USP38: variants seen among roughly 807,000 people sequenced by gnomAD.
The protein encoded by USP38 is ubiquitin carboxyl-terminal hydrolase 38.
In USP38, 49 loss-of-function variants were observed where a neutral mutation model predicts 94.3. That is an observed-to-expected ratio of 0.52 (90% CI 0.41 to 0.66). The LOEUF is 0.66. Ranked by LOEUF, USP38 falls within the 30% of genes least tolerant of loss-of-function variation. The pLI is 0.00. For synonymous variants in USP38, 468 were observed against 463.6 expected (o/e 1.01, Z -0.12); for missense variants, 1,128 against 1,229.4 (o/e 0.92, Z 1.23).
intron 5 of USP38, 124 bp from the exon 6 acceptor site, chr4:143,205,909 C>A: frequency 1.4e-6 from 1 of 695,322 alleles, no homozygotes; most frequent in Non-Finnish European, 2.1e-6. Flanking sequence ...TACTTCAAAA[C>A]TAAGTGGGGG....
chr4:143,210,616 G>A (rs1287465954), intron 7 of USP38, among the ~76,000 whole-genome samples: 1 of 151,106 alleles, frequency 6.6e-6, no homozygotes, highest in African/African-American at 2.4e-5. Context: ...TATGTTCAAA[G>A]AACTTTTAGT....
chr4:143,213,854 G>A lies in USP38; in HGVS notation c.1878G>A (p.Leu626=). Residue 626 remains leucine, a synonymous_variant, in exon 9 of 10, where the codon TTG becomes TTA. Transcript: ENST00000307017. ...LSLAFCPSSS[L]ENMSVQDPAS... ...TTGCCTTTTGTCCTTCCTCTTCTTT[G>A]GAAAACATGTCTGTCCAAGATCCAG... 1 of 1,613,794 alleles carries A rather than the reference G, an allele frequency of 6.2e-7. No individual in the cohort carries two copies. Among genetic ancestry groups the A allele is most frequent in the Non-Finnish European group, 8.5e-7 (1 of 1,179,822 alleles).
At chr4:143,210,586 C>CA (rs540768498) in intron 7 of USP38, among the ~76,000 whole-genome samples, 4,660 of 133,000 alleles carry the variant, frequency 0.035, 212 homozygotes, top group African/African-American at 0.12. Flanking sequence ...GCCCCTGTCT[C>CA]AAAAAAAAAA....
chr4:143,213,167 G>A (rs1248471303), intron 8 of USP38, among the ~76,000 whole-genome samples: 1 of 152,038 alleles, frequency 6.6e-6, no homozygotes, highest in East Asian at 1.9e-4. Flanking sequence ...CCCTGTCTTT[G>A]TTCTGCTCTG....
chr4:143,188,095 A>T, intron 2 of USP38, 134 bp downstream of exon 2: 1 of 1,096,946 alleles, frequency 9.1e-7, no homozygotes, highest in South Asian at 1.7e-5. Flanking sequence ...AGATTCTCCA[A>T]ATAGATTGGA....
In USP38 at chr4:143,214,477, G is replaced by C; in HGVS notation, c.2501G>C (p.Cys834Ser). The change falls in exon 9 of 10, where the codon TGC becomes TCC. Residue 834 changes from cysteine (C) to serine (S), a missense_variant. Cys to Ser is a moderately radical substitution (Grantham distance 112). Transcript: ENST00000307017. ...LKPSGTDEAS[C>S]TKLVPYLLSS... ...CCTTCAGGGACTGATGAAGCTTCCTGCACAAAATTGGTGCCCTATCTATTA... is the reference window on the plus strand; with the variant it reads ...CCTTCAGGGACTGATGAAGCTTCCTCCACAAAATTGGTGCCCTATCTATTA... 6.2e-7 allele frequency: 1 copy of C among 1,613,398 alleles called. No individual in the cohort carries two copies. Among genetic ancestry groups the C allele is most frequent in the South Asian group, 1.1e-5 (1 of 90,988 alleles).
intron 3 of USP38, among the ~76,000 whole-genome samples, chr4:143,196,163 TG>T (rs1016364739): frequency 6.6e-6 from 1 of 152,008 alleles, no homozygotes; most frequent in African/African-American, 2.4e-5. Flanking sequence ...AAAATTAGGT[TG>T]GCATAATGGT....
At chr4:143,186,643 C>G (rs1342441976) in intron 1 of USP38, among the ~76,000 whole-genome samples, 2 of 151,774 alleles carry the variant, frequency 1.3e-5, no homozygotes, top group African/African-American at 4.8e-5. Context: ...CATTTTTTGT[C>G]TACAGTATCT....
intron 2 of USP38, among the ~76,000 whole-genome samples, chr4:143,189,522 G>GT (rs1731333107): frequency 6.6e-6 from 1 of 152,006 alleles, no homozygotes; most frequent in African/African-American, 2.4e-5. Flanking sequence ...TTCACTCTCT[G>GT]TAACACAAAC....
chr4:143,203,638 C>T, intron 5 of USP38, 72 bp downstream of exon 5: 1 of 1,456,922 alleles, frequency 6.9e-7, no homozygotes, highest in Non-Finnish European at 9.3e-7. Flanking sequence ...TTATAACCAG[C>T]TACTCAATTT....
chr4:143,211,814 T>TC (rs1732032240), intron 7 of USP38, among the ~76,000 whole-genome samples: 1 of 152,208 alleles, frequency 6.6e-6, no homozygotes, highest in Non-Finnish European at 1.5e-5. Flanking sequence ...GTACTCACAA[T>TC]CTGCACATAT....
rs2149615246 is a variant in USP38, at chr4:143,220,989, T to G, written c.*533T>G. The G allele has an allele frequency of 6.6e-6, 1 of 152,594 alleles. No individual in the cohort carries two copies. Among genetic ancestry groups the G allele is most frequent in the East Asian group, 1.9e-4 (1 of 5,184 alleles). The allele number at this position is 152,594 out of a possible 1,614,324, so 9.5% of individuals were successfully genotyped here. ...AGATATAGTACTTTTCAGTTTTTGT[T>G]TAGTGTCTTCAGCATCACTGTGTCT... On this transcript the variant is annotated 3_prime_UTR_variant, in exon 10 of 10. Coordinates refer to ENST00000307017, the MANE Select transcript of USP38 (RefSeq NM_032557.6).
chr4:143,187,930 A>G lies in USP38; in HGVS notation c.787A>G (p.Lys263Glu). 1.2e-6 allele frequency: 2 copies of G among 1,613,722 alleles called. No individual in the cohort carries two copies. Among genetic ancestry groups the G allele is most frequent in the Non-Finnish European group, 1.7e-6 (2 of 1,179,752 alleles). ...GAGCCTTACTACGGATCCAAATGTA[A>G]AAGATGCAAGTATGACCCAAGCCCT... ...IRSLTTDPNV[K>E]DASMTQALCR... is the part of the protein sequence containing the mutation. The change falls in exon 2 of 10, where the codon AAA becomes GAA. Residue 263 changes from lysine (K) to glutamate (E), a missense_variant. By Grantham distance (56) the Lys-to-Glu change is moderately conservative (BLOSUM62 1). Coordinates refer to ENST00000307017, the MANE Select transcript of USP38 (RefSeq NM_032557.6).
At chr4:143,217,772 G>C (rs1252935378) in intron 9 of USP38, among the ~76,000 whole-genome samples, 1 of 152,120 alleles carries the variant, frequency 6.6e-6, no homozygotes, top group African/African-American at 2.4e-5. Flanking sequence ...CCGTGGTTTT[G>C]AAAAACCCAG....
chr4:143,203,515 T>C lies in USP38; in HGVS notation c.1158T>C (p.Tyr386=), dbSNP rs1274363386. ...QLTELIHCMM[Y]HYSGFPDLYE... ...CAGAATTGATACACTGTATGATGTATCATTATTCTGGATTTCCAGATCTCT... is the reference window on the plus strand; with the variant it reads ...CAGAATTGATACACTGTATGATGTACCATTATTCTGGATTTCCAGATCTCT... The change falls in exon 5 of 10, where the codon TAT becomes TAC. Residue 386 remains tyrosine (Y), a synonymous_variant. Transcript: ENST00000307017. 1 of 1,613,144 alleles carries C rather than the reference T, an allele frequency of 6.2e-7. No individual in the cohort carries two copies. Among genetic ancestry groups the C allele is most frequent in the Admixed American group, 1.7e-5 (1 of 59,912 alleles).
intron 3 of USP38, among the ~76,000 whole-genome samples, chr4:143,197,057 A>G (rs897925083): frequency 7.2e-5 from 11 of 152,258 alleles, no homozygotes; most frequent in East Asian, 3.9e-4. Context: ...ACAAGGTCCT[A>G]TGTATTCTGG....
chr4:143,205,856 C>G (rs1450829764), intron 5 of USP38, among the ~76,000 whole-genome samples, 177 bp from the exon 6 acceptor site: 1 of 152,154 alleles, frequency 6.6e-6, no homozygotes, highest in Non-Finnish European at 1.5e-5. Flanking sequence ...TTTTGCCATA[C>G]AGTGAAATTT....
rs767883496 is a variant in USP38 at position 143,185,190 on chromosome 4, C to T, written c.-261C>T. The T allele has an allele frequency of 2.6e-6, 1 of 377,694 alleles. No individual in the cohort carries two copies. The highest frequency in any genetic ancestry group is 4.7e-6 in the Non-Finnish European group (1 of 210,772). 23.4% of individuals were successfully genotyped at this position (377,694 alleles called of 1,614,324 possible). On this transcript the variant is annotated 5_prime_UTR_variant, in exon 1 of 10. Transcript: ENST00000307017. ...GAGTGGGATCGAGGGCCCGGGGCGG[C>T]GGCGGAGTACGGGCCTCTGGCGCCT... is the stretch of plus-strand genomic sequence containing the variant.
chr4:143,219,664 T>G (rs964291323), intron 9 of USP38, among the ~76,000 whole-genome samples: 1 of 152,114 alleles, frequency 6.6e-6, no homozygotes, highest in African/African-American at 2.4e-5. Flanking sequence ...TGGGTCCCAG[T>G]TTTAGAATCC....
Sources: gnomAD v4.1 joint callset for allele counts (sites outside exome capture counted in the v4.1 genomes callset) on GRCh38, gnomAD v4.1.1 for gene constraint, MANE v1.5 for transcripts, NCBI Gene and HGNC (gene_info 2026-07-23, HGNC 2026-07-21) for gene names.